RNF111: variants seen among roughly 807,000 people sequenced by gnomAD.
RNF111 encodes the protein ring finger protein 111, also known as E3 ubiquitin-protein ligase Arkadia.
RNF111 carries 17 observed loss-of-function variants against 95.1 expected under a neutral mutation model. The ratio of observed to expected loss-of-function variants is 0.18; its 90% CI spans 0.12 to 0.27. The LOEUF (loss-of-function observed/expected upper bound fraction) is 0.27. RNF111 is among the 10% of genes least tolerant of loss of function. The pLI, the probability that RNF111 is intolerant of heterozygous loss-of-function variation, is 1.00. For missense variants in RNF111, 1,189 were observed against 1,210.4 expected, an observed-to-expected ratio of 0.98 and a Z score of 0.26; for synonymous variants, 440 against 414.8, an observed-to-expected ratio of 1.06 and a Z score of -0.74.
intron 2 of RNF111, among the ~76,000 whole-genome samples, chr15:59,039,467 A>G (rs2141847394): frequency 6.6e-6 from 1 of 152,098 alleles, no homozygotes. Context: ...AGGTTTTTTC[A>G]CTTTTGAGTA....
intron 13 of RNF111, chr15:59,093,339 T>TTC (rs1172916981): frequency 3.3e-5 from 7 of 213,960 alleles, no homozygotes; most frequent in African/African-American, 2.4e-4. Context: ...TACAGCATCT[T>TTC]TTTTTTTTTT....
chr15:59,032,369 GGA>G (rs2040953884), intron 2 of RNF111, among the ~76,000 whole-genome samples: 1 of 152,004 alleles, frequency 6.6e-6, no homozygotes, highest in Admixed American at 6.6e-5. Context: ...CCTGTATGAT[GGA>G]TTCAGCCATA....
At chr15:59,035,736 A>G (rs999312810) in intron 2 of RNF111, among the ~76,000 whole-genome samples, 3 of 152,228 alleles carry the variant, frequency 2.0e-5, no homozygotes, top group Non-Finnish European at 4.4e-5. Context: ...GTCTCTTTGC[A>G]TAGCAAGAGT....
intron 5 of RNF111, among the ~76,000 whole-genome samples, chr15:59,059,445 T>A (rs2142018206): frequency 6.6e-6 from 1 of 152,306 alleles, no homozygotes; most frequent in South Asian, 2.1e-4. Flanking sequence ...GAAAAACACT[T>A]TGATGGTTCC....
intron 1 of RNF111, among the ~76,000 whole-genome samples, chr15:59,009,870 C>A (rs1157160241): frequency 6.6e-6 from 1 of 152,100 alleles, no homozygotes; most frequent in Non-Finnish European, 1.5e-5. Context: ...GCGGGAGGAT[C>A]ACTTGAGCCC....
intron 2 of RNF111, among the ~76,000 whole-genome samples, chr15:59,032,076 T>A (rs1001233912): frequency 2.6e-5 from 4 of 152,004 alleles, no homozygotes; most frequent in Admixed American, 6.6e-5. Context: ...GTAGCCAGGA[T>A]TACAGGTGCC....
At chr15:59,069,535 C>T (rs1181105277) in intron 6 of RNF111, among the ~76,000 whole-genome samples, 2 of 152,180 alleles carry the variant, frequency 1.3e-5, no homozygotes, top group African/African-American at 2.4e-5. Context: ...ATCTCTTTTA[C>T]AGGTCTGTTC....
intron 1 of RNF111, among the ~76,000 whole-genome samples, chr15:59,011,526 T>C (rs958065179): frequency 2.6e-5 from 4 of 152,226 alleles, no homozygotes; most frequent in Non-Finnish European, 5.9e-5. Flanking sequence ...TACTTACTCC[T>C]AGTTCTGTAG....
At chr15:59,054,343 TC>T (rs2042118433) in intron 3 of RNF111, among the ~76,000 whole-genome samples, 1 of 152,186 alleles carries the variant, frequency 6.6e-6, no homozygotes, top group African/African-American at 2.4e-5. Context: ...TGAGACTTCC[TC>T]ATACATTCAT....
Position 59,033,773 on chromosome 15 carries a change from G to A in RNF111, c.880+2071G>A, listed in dbSNP as rs116398850. ...AATCTTATTTAATACTTACTGTAGCGTGTGTGTTTTTTTTCATTGCCTTTC... is the reference window on the plus strand; with the variant it reads ...AATCTTATTTAATACTTACTGTAGCATGTGTGTTTTTTTTCATTGCCTTTC... On this transcript the variant is annotated intron_variant, in intron 2 of 13. Transcript: ENST00000348370. Among the ~76,000 whole-genome samples, 673 of 152,208 alleles carry A rather than the reference G, an allele frequency of 4.4e-3. 11 individuals carry two copies. The highest frequency in any genetic ancestry group is 0.015 in the African/African-American group (621 of 41,532).
chr15:59,007,550 G>A (rs1416685349), intron 1 of RNF111, among the ~76,000 whole-genome samples: 3 of 152,016 alleles, frequency 2.0e-5, no homozygotes, highest in East Asian at 1.9e-4. Context: ...TTGTATTCAC[G>A]TTTTCCAACT....
rs142867281 is a variant in RNF111, at chr15:59,075,971, C to T, written c.1704C>T (p.Asp568=). ...SYHEQQALPV[D]LSNSGIRSHG... is the part of the protein sequence containing the mutation. ...TTATCTAGCAGGCATTGCCAGTGGA[C>T]CTGAGCAACAGTGGTATCAGAAGTC... is the stretch of plus-strand genomic sequence containing the variant. Residue 568 remains aspartate, a synonymous_variant, in exon 7 of 14, where the codon GAC becomes GAT. Transcript: ENST00000348370. 4 of 1,614,108 alleles carry T rather than the reference C, an allele frequency of 2.5e-6. No homozygotes were observed. Among genetic ancestry groups the T allele is most frequent in the Non-Finnish European group, 2.5e-6 (3 of 1,180,012 alleles).
chr15:59,001,768 A>T (rs1245756420), intron 1 of RNF111, among the ~76,000 whole-genome samples: 2 of 152,194 alleles, frequency 1.3e-5, no homozygotes, highest in African/African-American at 4.8e-5. Context: ...TTTATTTTTT[A>T]TGAAATCATG....
At chr15:59,063,147 T>C (rs1306073512) in intron 5 of RNF111, among the ~76,000 whole-genome samples, 1 of 152,236 alleles carries the variant, frequency 6.6e-6, no homozygotes, top group Non-Finnish European at 1.5e-5. Context: ...GCTACATGAT[T>C]GCATGCTGCT....
intron 10 of RNF111, among the ~76,000 whole-genome samples, chr15:59,086,611 A>G (rs543399793): frequency 6.6e-6 from 1 of 152,362 alleles, no homozygotes; most frequent in Admixed American, 6.5e-5. Context: ...GCACTGCAGG[A>G]AAGCTTTCAG....
chr15:59,085,128 T>C (rs1292854309), intron 9 of RNF111, among the ~76,000 whole-genome samples: 1 of 152,206 alleles, frequency 6.6e-6, no homozygotes, highest in African/African-American at 2.4e-5. Flanking sequence ...ACAATGACTT[T>C]TGAGGCAGAA....
chr15:59,055,034 A>G (rs2042147737), intron 3 of RNF111, among the ~76,000 whole-genome samples: 1 of 152,200 alleles, frequency 6.6e-6, no homozygotes, highest in South Asian at 2.1e-4. Flanking sequence ...AGAACAGTGT[A>G]ATGCCACACA....
At chr15:59,009,911 C>G (rs2039715849) in intron 1 of RNF111, among the ~76,000 whole-genome samples, 1 of 152,132 alleles carries the variant, frequency 6.6e-6, no homozygotes. Flanking sequence ...AGCTGTGATC[C>G]TGCCATTGTG....
Position 59,091,152 on chromosome 15 carries a change from A to C in RNF111, c.2737A>C (p.Lys913Gln), listed in dbSNP as rs1340770891. The change falls in exon 12 of 14, where the codon AAG becomes CAG. Residue 913 changes from lysine (K) to glutamine (Q), a missense_variant and splice_region_variant. Physicochemically the swap from Lys to Gln is moderately conservative, Grantham distance 53. Transcript: ENST00000348370. ...ATGTACATATCCACATAAATACAAA[A>C]AGGTAAGAATTTATTCTATGAAACT... ...ERCTYPHKYK[K>Q]RKLHCKQDGE... 3 of 1,564,704 alleles carry C rather than the reference A, an allele frequency of 1.9e-6. No individual in the cohort carries two copies. The highest frequency in any genetic ancestry group is 2.6e-6 in the Non-Finnish European group (3 of 1,137,944).
Sources: gnomAD v4.1 joint callset for allele counts (sites outside exome capture counted in the v4.1 genomes callset) on GRCh38, gnomAD v4.1.1 for gene constraint, MANE v1.5 for transcripts, NCBI Gene and HGNC (gene_info 2026-07-23, HGNC 2026-07-21) for gene names.